PIP5K1C: variants seen among roughly 807,000 people sequenced by gnomAD.
PIP5K1C encodes phosphatidylinositol 4-phosphate 5-kinase type-1 gamma.
PIP5K1C carries 45 observed loss-of-function variants against 80.1 expected under a neutral mutation model. The ratio of observed to expected loss-of-function variants is 0.56; its 90% confidence interval spans 0.44 to 0.72. The LOEUF (loss-of-function observed/expected upper bound fraction) is 0.72, where lower values mean the gene tolerates loss of function less well. Ranked by LOEUF, PIP5K1C falls within the 30% of genes least tolerant of loss-of-function variation. The pLI, the probability that PIP5K1C is intolerant of heterozygous loss-of-function variation, is 0.00. For missense variants in PIP5K1C, 753 were observed against 954.6 expected (o/e 0.79, Z 2.78); for synonymous variants, 498 against 420.1 (o/e 1.19, Z -2.27).
chr19:3,643,960 C>T (rs552293481), intron 12 of PIP5K1C, 127 bp downstream of exon 12: 26 of 1,127,430 alleles, frequency 2.3e-5, no homozygotes, highest in South Asian at 2.9e-5. Context: ...CCTGGGCAGG[C>T]GGCCCTGCAG....
chr19:3,667,494 G>A (rs2035052043), intron 1 of PIP5K1C, 141 bp from the exon 2 acceptor site: 1 of 898,332 alleles, frequency 1.1e-6, no homozygotes, highest in African/African-American at 1.6e-5. Context: ...CTACACACAA[G>A]TGAAGACATG....
rs1239689810 is a variant in PIP5K1C at position 3,638,953 on chromosome 19, T to C, written c.1851A>G (p.Ser617=). Residue 617 remains serine (S), a synonymous_variant, in exon 16 of 18, where the codon TCA becomes TCG. Coordinates refer to ENST00000335312, the MANE Select transcript of PIP5K1C (RefSeq NM_012398.3). ...AVEVETASQA[S]DEEGAPASQA... ...GGCTGGCAGGTGCGCCCTCCTCGTC[T>C]GAGGCCTGGCTGGCAGTTTCTACTT... 6.2e-7 allele frequency: 1 copy of C among 1,612,132 alleles called. No homozygotes were observed. The highest frequency in any genetic ancestry group is 2.2e-5 in the East Asian group (1 of 44,864).
At chr19:3,638,718 G>A (rs2033814030) in intron 16 of PIP5K1C, among the ~76,000 whole-genome samples, 166 bp downstream of exon 16, 1 of 151,986 alleles carries the variant, frequency 6.6e-6, no homozygotes, top group African/African-American at 2.4e-5. Context: ...GGTGCGTGTG[G>A]GCGTGTCGTG....
intron 1 of PIP5K1C, among the ~76,000 whole-genome samples, chr19:3,689,628 G>A (rs987062079): frequency 6.6e-5 from 10 of 152,238 alleles, no homozygotes; most frequent in South Asian, 4.2e-4. Flanking sequence ...CAGCCTGGAC[G>A]AGAGGGCAAA....
chr19:3,633,955 A>C (rs1313823355), intron 16 of PIP5K1C, among the ~76,000 whole-genome samples: 2 of 152,196 alleles, frequency 1.3e-5, no homozygotes, highest in East Asian at 3.9e-4. Context: ...GGGTCCTGGG[A>C]GGTCGGGGTG....
chr19:3,697,397 T>C (rs983235357), intron 1 of PIP5K1C, among the ~76,000 whole-genome samples: 1 of 143,800 alleles, frequency 7.0e-6, no homozygotes, highest in Non-Finnish European at 1.5e-5. Flanking sequence ...AGGACTGAGC[T>C]GGACCGGGGA....
chr19:3,657,248 A>G (rs1238605226), intron 5 of PIP5K1C, among the ~76,000 whole-genome samples: 5 of 152,192 alleles, frequency 3.3e-5, no homozygotes, highest in African/African-American at 1.2e-4. Flanking sequence ...CCTCTCCTGG[A>G]CATTAGGCAG....
intron 12 of PIP5K1C, among the ~76,000 whole-genome samples, chr19:3,643,637 TC>T: frequency 6.8e-6 from 1 of 147,266 alleles, no homozygotes; most frequent in Non-Finnish European, 1.5e-5. Flanking sequence ...CCACTCTCCC[TC>T]CCCGCTGTCT....
At chr19:3,667,884 G>A (rs55958982) in intron 1 of PIP5K1C, among the ~76,000 whole-genome samples, 25,354 of 151,886 alleles carry the variant, frequency 0.17, 2,243 homozygotes, top group Non-Finnish European at 0.19. Context: ...GCAGGCCCCC[G>A]CTGGGGCGAG....
Position 3,667,305 on chromosome 19 carries a change from C to T in PIP5K1C, c.126+17G>A. 1 of 1,611,944 alleles carries T rather than the reference C, an allele frequency of 6.2e-7. No individual in the cohort carries two copies. The highest frequency in any genetic ancestry group is 8.5e-7 in the Non-Finnish European group (1 of 1,179,350). On this transcript the variant is annotated intron_variant, in intron 2 of 17. Transcript: ENST00000335312. ...AGGGTGGGGACCCCAGGCCCTTCGT[C>T]CGCTCCAGACACTCACCTCTGTTGG...
chr19:3,696,400 G>A lies in PIP5K1C; in HGVS notation c.94+3897C>T, dbSNP rs563885391. On this transcript the variant is annotated intron_variant, in intron 1 of 17. Coordinates refer to ENST00000335312, the MANE Select transcript of PIP5K1C (RefSeq NM_012398.3). This position sits in a 1 kb window ranked among gnomAD's most constrained non-coding sequence, Gnocchi z 4.1. Reference sequence around the variant, plus strand: ...TCAGGAGGAGATGGTCAGAAAACACGTCAGCAGAGCCATATGTTTCAGGTG... The same window carrying A: ...TCAGGAGGAGATGGTCAGAAAACACATCAGCAGAGCCATATGTTTCAGGTG... Among the ~76,000 whole-genome samples, 9 of 152,304 alleles carry A rather than the reference G, an allele frequency of 5.9e-5. No individual in the cohort carries two copies. In the South Asian group the frequency reaches 1.2e-3, roughly 21 times the overall value.
intron 1 of PIP5K1C, among the ~76,000 whole-genome samples, chr19:3,694,066 G>A (rs895212826): frequency 6.6e-6 from 1 of 152,010 alleles, no homozygotes; most frequent in Non-Finnish European, 1.5e-5. Flanking sequence ...CAAAACATTA[G>A]CCGGGCGTAG....
At chr19:3,697,382 G>T (rs983704904) in intron 1 of PIP5K1C, among the ~76,000 whole-genome samples, 1 of 146,782 alleles carries the variant, frequency 6.8e-6, no homozygotes, top group African/African-American at 2.5e-5. Context: ...TGAGCCAGAC[G>T]GAGGAGGACT....
chr19:3,699,390 A>G (rs2036226456), intron 1 of PIP5K1C, among the ~76,000 whole-genome samples: 3 of 151,894 alleles, frequency 2.0e-5, no homozygotes, highest in South Asian at 2.1e-4. Context: ...ACATCTCCCC[A>G]ACTCCCAGGC....
intron 6 of PIP5K1C, among the ~76,000 whole-genome samples, chr19:3,655,488 G>A (rs1256438466): frequency 1.3e-5 from 2 of 152,218 alleles, no homozygotes; most frequent in African/African-American, 2.4e-5. Flanking sequence ...AAAGTGATAT[G>A]GAATTCGCAT....
chr19:3,678,814 G>C (rs1176369119), intron 1 of PIP5K1C, among the ~76,000 whole-genome samples: 1 of 130,402 alleles, frequency 7.7e-6, no homozygotes, highest in Non-Finnish European at 1.6e-5. Flanking sequence ...TGGAGGGATG[G>C]AGGATGAAGG....
chr19:3,673,082 G>A (rs894884479), intron 1 of PIP5K1C, among the ~76,000 whole-genome samples: 1 of 150,598 alleles, frequency 6.6e-6, no homozygotes, highest in African/African-American at 2.4e-5. Flanking sequence ...CCTGCAGGGT[G>A]AAGACCAGGC....
intron 11 of PIP5K1C, among the ~76,000 whole-genome samples, chr19:3,644,998 G>A (rs1405044095): frequency 6.6e-6 from 1 of 152,276 alleles, no homozygotes; most frequent in Non-Finnish European, 1.5e-5. Flanking sequence ...AGAGTGGGGT[G>A]TGGGGACAGG....
intron 1 of PIP5K1C, among the ~76,000 whole-genome samples, chr19:3,699,307 G>A (rs905518213): frequency 6.2e-5 from 9 of 146,286 alleles, no homozygotes; most frequent in Non-Finnish European, 9.0e-5. Flanking sequence ...CGCCGGGAGG[G>A]AAGCCACGAG....
Sources: gnomAD v4.1 joint callset for allele counts (sites outside exome capture counted in the v4.1 genomes callset) on GRCh38, gnomAD v4.1.1 for gene constraint, Gnocchi (gnomAD v3.1) non-coding constraint, MANE v1.5 for transcripts, NCBI Gene and HGNC (gene_info 2026-07-23, HGNC 2026-07-21) for gene names.